The following GFRAL variants were observed in gnomAD, a reference collection of about 807,000 sequenced individuals.
GFRAL encodes the protein GDNF family receptor alpha-like.
In GFRAL, 36 loss-of-function variants were observed where a neutral mutation model predicts 45.4. That is an observed-to-expected ratio of 0.79 (90% CI 0.61 to 1.05). The LOEUF is 1.05. Ranked by LOEUF, GFRAL falls within the 50% of genes least tolerant of loss-of-function variation. The pLI is 0.00. For synonymous variants in GFRAL, 166 were observed against 154.1 expected, an observed-to-expected ratio of 1.08 and a Z score of -0.57; for missense variants, 507 against 467.5, an observed-to-expected ratio of 1.08 and a Z score of -0.78.
intron 6 of GFRAL, among the ~76,000 whole-genome samples, chr6:55,398,749 TAGAG>T (rs1242386440): frequency 6.6e-6 from 1 of 152,182 alleles, no homozygotes; most frequent in African/African-American, 2.4e-5. Flanking sequence ...TTTTAGCTAA[TAGAG>T]AGAAAAAGAG....
intron 8 of GFRAL, among the ~76,000 whole-genome samples, chr6:55,399,997 T>G (rs367995328): frequency 7.2e-5 from 11 of 152,276 alleles, no homozygotes; most frequent in African/African-American, 2.4e-4. Flanking sequence ...CTTGGCTGCT[T>G]TTATTGCTGG....
At chr6:55,377,283 A>C (rs1224079558) in intron 6 of GFRAL, among the ~76,000 whole-genome samples, 2 of 152,044 alleles carry the variant, frequency 1.3e-5, no homozygotes, top group African/African-American at 4.8e-5. Context: ...TCAAGGTGTC[A>C]ATTTTTATAT....
chr6:55,377,226 C>G (rs889495733), intron 6 of GFRAL, among the ~76,000 whole-genome samples: 2 of 152,038 alleles, frequency 1.3e-5, no homozygotes, highest in African/African-American at 4.8e-5. Flanking sequence ...CACCACCTGA[C>G]TGCTAAGACA....
chr6:55,360,406 A>G (rs1419372616), intron 6 of GFRAL, among the ~76,000 whole-genome samples: 1 of 152,014 alleles, frequency 6.6e-6, no homozygotes, highest in Non-Finnish European at 1.5e-5. Flanking sequence ...ATCTATATCT[A>G]TATCTATATC....
intron 3 of GFRAL, among the ~76,000 whole-genome samples, chr6:55,348,592 CACA>C (rs1454962547): frequency 1.2e-4 from 18 of 152,160 alleles, no homozygotes; most frequent in South Asian, 6.2e-4. Context: ...GATAGCCAGC[CACA>C]TTTTCCCTGC....
intron 6 of GFRAL, among the ~76,000 whole-genome samples, chr6:55,363,325 A>AT (rs963090538): frequency 6.6e-6 from 1 of 151,954 alleles, no homozygotes; most frequent in Admixed American, 6.6e-5. Flanking sequence ...ACACACACAC[A>AT]TTTTTTAAGG....
chr6:55,348,784 G>T (rs139676468), intron 3 of GFRAL, among the ~76,000 whole-genome samples: 1,992 of 152,186 alleles, frequency 0.013, 23 homozygotes, highest in Non-Finnish European at 0.022. Context: ...ACTTATGAAT[G>T]TAGGGGTAAT....
intron 6 of GFRAL, among the ~76,000 whole-genome samples, chr6:55,385,309 A>G (rs1176069595): frequency 6.6e-6 from 1 of 152,112 alleles, no homozygotes; most frequent in East Asian, 1.9e-4. Context: ...GATGTATCTT[A>G]AAAATGGAGA....
chr6:55,401,739 G>A (rs374491111), intron 8 of GFRAL, 51 bp from the exon 9 acceptor site: 1 of 1,072,888 alleles, frequency 9.3e-7, no homozygotes, highest in African/African-American at 1.5e-5. Context: ...AAGCACATTT[G>A]TGAAATCCTT....
intron 6 of GFRAL, among the ~76,000 whole-genome samples, chr6:55,384,939 T>G (rs1356311195): frequency 2.6e-5 from 4 of 151,564 alleles, no homozygotes; most frequent in African/African-American, 9.7e-5. Context: ...GATGGTATAC[T>G]TGGGACTATC....
chr6:55,394,002 C>A (rs985919754), intron 6 of GFRAL, among the ~76,000 whole-genome samples: 5 of 151,812 alleles, frequency 3.3e-5, no homozygotes, highest in Non-Finnish European at 7.4e-5. Flanking sequence ...GTGCAGTTTG[C>A]AATGAGGAAG....
At chr6:55,332,309 A>C (rs1488375540) in intron 2 of GFRAL, among the ~76,000 whole-genome samples, 2 of 148,266 alleles carry the variant, frequency 1.3e-5, no homozygotes, top group Non-Finnish European at 3.1e-5. Context: ...TGTCAAGAAC[A>C]AGTAAAGCTA....
At chr6:55,399,582 G>A in intron 8 of GFRAL, 141 bp downstream of exon 8, 1 of 611,606 alleles carries the variant, frequency 1.6e-6, no homozygotes, top group South Asian at 2.2e-5. Context: ...AGTTTTATGT[G>A]GCATAGGTCC....
intron 6 of GFRAL, among the ~76,000 whole-genome samples, chr6:55,376,928 G>A (rs1562061298): frequency 6.6e-6 from 1 of 151,384 alleles, no homozygotes; most frequent in Non-Finnish European, 1.5e-5. Flanking sequence ...TTACTATTTG[G>A]GACCTACAAG....
chr6:55,356,328 C>T (rs750090968), intron 5 of GFRAL, among the ~76,000 whole-genome samples: 4 of 151,876 alleles, frequency 2.6e-5, no homozygotes, highest in Non-Finnish European at 5.9e-5. Context: ...TAAAATTCAG[C>T]ATCATGTCCC....
intron 1 of GFRAL, among the ~76,000 whole-genome samples, chr6:55,330,863 T>TTAATCAAA (rs1767820438): frequency 1.3e-5 from 2 of 152,042 alleles, no homozygotes; most frequent in South Asian, 4.1e-4. Flanking sequence ...ATGCTCAAAG[T>TTAATCAAA]GAAAGTCAAT....
chr6:55,387,781 C>T (rs1383905356), intron 6 of GFRAL, among the ~76,000 whole-genome samples: 1 of 152,086 alleles, frequency 6.6e-6, no homozygotes, highest in Non-Finnish European at 1.5e-5. Flanking sequence ...TTGCAAACAT[C>T]AATAAATATC....
chr6:55,363,722 A>T (rs1006073578), intron 6 of GFRAL, among the ~76,000 whole-genome samples: 6 of 151,238 alleles, frequency 4.0e-5, no homozygotes, highest in Admixed American at 3.3e-4. Context: ...TTTACTGAGA[A>T]TGATGATTTC....
intron 3 of GFRAL, among the ~76,000 whole-genome samples, chr6:55,346,721 T>C (rs1419546446): frequency 6.6e-6 from 1 of 151,296 alleles, no homozygotes; most frequent in African/African-American, 2.4e-5. Context: ...TGACCATATG[T>C]TGAGTCAAAG....
Sources: allele counts gnomAD v4.1 joint callset (sites outside exome capture counted in the v4.1 genomes callset), GRCh38; gene constraint gnomAD v4.1.1; transcripts MANE v1.5; gene names NCBI Gene and HGNC (gene_info 2026-07-23, HGNC 2026-07-21).